The following OPN3 variants were observed in gnomAD, a reference collection of about 807,000 sequenced individuals.
The protein encoded by OPN3 is opsin 3.
A neutral mutation model predicts 33.8 loss-of-function variants in OPN3; 29 were observed. That is an observed-to-expected ratio of 0.86 (90% confidence interval 0.64 to 1.17). OPN3 has a LOEUF of 1.17. OPN3 is among the 50% of genes most tolerant of loss of function. The probability of loss-of-function intolerance (pLI) is 0.00; values close to 1 mark genes in which losing one functional copy is unlikely to be tolerated. For synonymous variants in OPN3, 216 were observed against 216.1 expected, an observed-to-expected ratio of 1.00 and a Z score of 0.00; for missense variants, 437 against 514.1, an observed-to-expected ratio of 0.85 and a Z score of 1.45.
chr1:241,602,206 G>C (rs973721404), intron 2 of OPN3, among the ~76,000 whole-genome samples: 2 of 152,188 alleles, frequency 1.3e-5, no homozygotes, highest in African/African-American at 2.4e-5. Context: ...TGGCGCCAGA[G>C]AGTCAGCAAC....
intron 1 of OPN3, among the ~76,000 whole-genome samples, chr1:241,637,544 A>G (rs1041984278): frequency 6.6e-6 from 1 of 152,214 alleles, no homozygotes; most frequent in African/African-American, 2.4e-5. Flanking sequence ...GAAGAGGTGT[A>G]ACCATAGTAC....
intron 1 of OPN3, among the ~76,000 whole-genome samples, chr1:241,609,836 G>GA (rs1663941425): frequency 6.6e-6 from 1 of 152,220 alleles, no homozygotes; most frequent in African/African-American, 2.4e-5. Context: ...TGTGGAGCCA[G>GA]GACCAAGAGG....
intron 1 of OPN3, chr1:241,632,372 A>T (rs1302311355): frequency 6.6e-6 from 1 of 152,190 alleles, no homozygotes; most frequent in East Asian, 1.9e-4. Context: ...CAGAGGGTAC[A>T]TGCGAATTTG....
chr1:241,622,044 G>A (rs1664281077), intron 1 of OPN3, among the ~76,000 whole-genome samples: 1 of 152,168 alleles, frequency 6.6e-6, no homozygotes. Context: ...GTGCTGTGGG[G>A]AGAGAGAGTG....
intron 1 of OPN3, among the ~76,000 whole-genome samples, chr1:241,638,542 A>C (rs1664990650): frequency 6.6e-6 from 1 of 152,224 alleles, no homozygotes; most frequent in Non-Finnish European, 1.5e-5. Context: ...CCTTCTTAGC[A>C]TTGCCGAAGA....
chr1:241,617,222 CCTT>C (rs1470617585), intron 1 of OPN3, among the ~76,000 whole-genome samples: 8 of 152,162 alleles, frequency 5.3e-5, no homozygotes, highest in Admixed American at 5.2e-4. Flanking sequence ...AGAACCCAGA[CCTT>C]CTGACTGCTA....
Position 241,606,407 on chromosome 1 carries a change from CG to C in OPN3, c.374-1829del, listed in dbSNP as rs35023359. On this transcript the variant is annotated intron_variant, in intron 1 of 3. Coordinates refer to ENST00000366554, the MANE Select transcript of OPN3 (RefSeq NM_014322.3). ...AAAAATACAAAATATTAGCTGGGCGCGGTGGCAGAAGCCTGTAATCCTGGCT... is the reference window on the plus strand; with the variant it reads ...AAAAATACAAAATATTAGCTGGGCGCGTGGCAGAAGCCTGTAATCCTGGCT... Among the ~76,000 whole-genome samples the C allele has an allele frequency of 2.5e-3, 385 of 151,752 alleles. 6 individuals are homozygous for C. In the East Asian group the frequency reaches 0.071, roughly 28 times the overall value.
At position 241,607,450 on chromosome 1, in the gene OPN3, G is replaced by T. The variant is rs1412194805; in HGVS notation, c.374-2871C>A. 5.9e-5 allele frequency among the ~76,000 whole-genome samples: 9 copies of T among 152,014 alleles called. No individual in the cohort carries two copies. The East Asian group carries it at 1.3e-3, about 23-fold the overall frequency. On this transcript the variant is annotated intron_variant, in intron 1 of 3. Transcript: ENST00000366554. ...AACTGCTTGAACCTCGGAGACAGAGGTTGCAGTGAGCTGAGATTGTGCCAC... is the reference window on the plus strand; with the variant it reads ...AACTGCTTGAACCTCGGAGACAGAGTTTGCAGTGAGCTGAGATTGTGCCAC...
At chr1:241,619,686 A>G (rs1423777404) in intron 1 of OPN3, among the ~76,000 whole-genome samples, 1 of 152,178 alleles carries the variant, frequency 6.6e-6, no homozygotes, top group East Asian at 1.9e-4. Context: ...TTGGGGAGAC[A>G]TGGGCAGTTT....
chr1:241,632,982 A>G (rs676750), intron 1 of OPN3: 112,019 of 152,032 alleles, frequency 0.74, 41,896 homozygotes, highest in African/African-American at 0.86. Flanking sequence ...TAAGTTACTT[A>G]TTGGAAGCTA....
At chr1:241,639,105 T>C (rs1369947131) in intron 1 of OPN3, 1 of 152,226 alleles carries the variant, frequency 6.6e-6, no homozygotes, top group African/African-American at 2.4e-5. Context: ...AAGAGTACTG[T>C]CGAAATACAT....
At chr1:241,600,172 A>G (rs1663644020) in intron 2 of OPN3, among the ~76,000 whole-genome samples, 1 of 152,238 alleles carries the variant, frequency 6.6e-6, no homozygotes, top group African/African-American at 2.4e-5. Flanking sequence ...ATTAATTTAA[A>G]TAAATGTTTG....
At chr1:241,604,881 C>T (rs1481271724) in intron 1 of OPN3, among the ~76,000 whole-genome samples, 1 of 151,656 alleles carries the variant, frequency 6.6e-6, no homozygotes, top group African/African-American at 2.4e-5. Flanking sequence ...CATGGCAAGC[C>T]CTGTCTTTAC....
At chr1:241,602,553 T>C (rs1050778422) in intron 2 of OPN3, among the ~76,000 whole-genome samples, 2 of 152,210 alleles carry the variant, frequency 1.3e-5, no homozygotes, top group African/African-American at 4.8e-5. Context: ...GGTATCATTC[T>C]GAGGCCTCCT....
intron 1 of OPN3, among the ~76,000 whole-genome samples, chr1:241,607,285 T>G (rs1663857499): frequency 6.6e-6 from 1 of 151,990 alleles, no homozygotes; most frequent in Non-Finnish European, 1.5e-5. Flanking sequence ...GAGGCTGAGG[T>G]GGGCAGACCA....
intron 1 of OPN3, among the ~76,000 whole-genome samples, chr1:241,637,476 C>G (rs1227190517): frequency 6.6e-6 from 1 of 152,198 alleles, no homozygotes; most frequent in African/African-American, 2.4e-5. Context: ...GTCTGAATTA[C>G]TTATTCTGCT....
chr1:241,602,535 G>A (rs1663703225), intron 2 of OPN3, among the ~76,000 whole-genome samples: 1 of 152,176 alleles, frequency 6.6e-6, no homozygotes, highest in Admixed American at 6.5e-5. Flanking sequence ...AGAGTAGCTG[G>A]CAAGGTAGGT....
chr1:241,609,535 A>G (rs1296942066), intron 1 of OPN3, among the ~76,000 whole-genome samples: 2 of 152,248 alleles, frequency 1.3e-5, no homozygotes, highest in Non-Finnish European at 2.9e-5. Context: ...GGTCTTTTGG[A>G]GAAACCAGAG....
chr1:241,630,108 TC>T (rs1664569969), intron 1 of OPN3: 1 of 152,062 alleles, frequency 6.6e-6, no homozygotes, highest in Non-Finnish European at 1.5e-5. Flanking sequence ...TCTAACTTAA[TC>T]CCCACAATAA....
Sources: allele counts gnomAD v4.1 joint callset (sites outside exome capture counted in the v4.1 genomes callset), GRCh38; gene constraint gnomAD v4.1.1; transcripts MANE v1.5; gene names NCBI Gene and HGNC (gene_info 2026-07-23, HGNC 2026-07-21).